The following PBX3 variants were observed in gnomAD, a reference collection of about 807,000 sequenced individuals.
The protein encoded by PBX3 is pre-B-cell leukemia transcription factor 3.
PBX3 carries 14 observed loss-of-function variants against 48.5 expected under a neutral mutation model. That is an observed-to-expected ratio of 0.29 (90% CI 0.19 to 0.45). The LOEUF (loss-of-function observed/expected upper bound fraction) is 0.45, where lower values mean the gene tolerates loss of function less well. Among genes scored for constraint, PBX3 ranks in the 20% least tolerant of loss-of-function variants. PBX3 has a pLI of 1.00. For missense variants in PBX3, 386 were observed against 546.7 expected, an observed-to-expected ratio of 0.71 and a Z score of 2.93; for synonymous variants, 210 against 200.3, an observed-to-expected ratio of 1.05 and a Z score of -0.41.
At chr9:125,767,823 A>G (rs542287856) in intron 2 of PBX3, among the ~76,000 whole-genome samples, 33 of 152,250 alleles carry the variant, frequency 2.2e-4, no homozygotes, top group African/African-American at 7.7e-4. Context: ...CACTCAGACC[A>G]CCAGTCGTTT....
At chr9:125,832,210 T>G (rs1838981235) in intron 2 of PBX3, among the ~76,000 whole-genome samples, 1 of 151,850 alleles carries the variant, frequency 6.6e-6, no homozygotes, top group African/African-American at 2.4e-5. Flanking sequence ...TTCTTTTTTT[T>G]TTTGAGACGG....
chr9:125,878,306 A>T (rs1313618256), intron 2 of PBX3, among the ~76,000 whole-genome samples: 1 of 152,180 alleles, frequency 6.6e-6, no homozygotes. Flanking sequence ...ATGGCAGCAG[A>T]TTGGTATTTC....
chr9:125,817,014 A>G (rs1048348380), intron 2 of PBX3, among the ~76,000 whole-genome samples: 1 of 152,092 alleles, frequency 6.6e-6, no homozygotes, highest in African/African-American at 2.4e-5. Context: ...GCTGATCTTC[A>G]CCTTGTTAAA....
intron 2 of PBX3, among the ~76,000 whole-genome samples, chr9:125,787,674 G>T (rs1197971491): frequency 2.0e-5 from 3 of 152,198 alleles, no homozygotes; most frequent in African/African-American, 7.2e-5. Flanking sequence ...ATTTTGCATA[G>T]ATGGGAAAGG....
intron 2 of PBX3, among the ~76,000 whole-genome samples, chr9:125,819,585 T>C (rs1203785181): frequency 2.6e-5 from 4 of 152,096 alleles, no homozygotes; most frequent in African/African-American, 9.7e-5. Flanking sequence ...TATATGGAAA[T>C]GGGAAACGTG....
intron 5 of PBX3, among the ~76,000 whole-genome samples, chr9:125,960,006 A>G (rs191718053): frequency 4.3e-4 from 66 of 152,344 alleles, no homozygotes; most frequent in Non-Finnish European, 4.4e-5. Flanking sequence ...GCACCGGCTG[A>G]CATCATAAGA....
intron 2 of PBX3, among the ~76,000 whole-genome samples, chr9:125,757,258 T>A (rs954547736): frequency 6.6e-6 from 1 of 152,056 alleles, no homozygotes; most frequent in Non-Finnish European, 1.5e-5. Flanking sequence ...TTTCTTTCTT[T>A]TCTCCTCCCA....
At chr9:125,932,612 T>C (rs1371286803) in intron 4 of PBX3, among the ~76,000 whole-genome samples, 2 of 152,224 alleles carry the variant, frequency 1.3e-5, no homozygotes, top group Non-Finnish European at 2.9e-5. Flanking sequence ...AAAAACATTT[T>C]AAAATTATTT....
intron 2 of PBX3, among the ~76,000 whole-genome samples, chr9:125,763,589 A>C (rs917211317): frequency 1.3e-5 from 2 of 152,204 alleles, no homozygotes; most frequent in East Asian, 3.8e-4. Flanking sequence ...CACACGATTC[A>C]CCCTGTCTCT....
chr9:125,949,402 A>G (rs969977000), intron 5 of PBX3: 3 of 1,550,894 alleles, frequency 1.9e-6, no homozygotes, highest in Non-Finnish European at 2.6e-6. Context: ...TCCAAAAGAA[A>G]GAGGGAGCAA....
chr9:125,936,925 AAAG>A (rs1195404247), intron 5 of PBX3, among the ~76,000 whole-genome samples: 1 of 152,218 alleles, frequency 6.6e-6, no homozygotes, highest in African/African-American at 2.4e-5. Context: ...GACAAAATTA[AAAG>A]AAGAATCGTT....
At chr9:125,756,763 G>GT (rs1554851887) in intron 2 of PBX3, among the ~76,000 whole-genome samples, 1 of 152,184 alleles carries the variant, frequency 6.6e-6, no homozygotes, top group Non-Finnish European at 1.5e-5. Flanking sequence ...AGGAGGATGA[G>GT]TTTCTCCTGA....
chr9:125,774,658 TG>T (rs1285082114), intron 2 of PBX3, among the ~76,000 whole-genome samples: 4 of 75,114 alleles, frequency 5.3e-5, no homozygotes, highest in East Asian at 4.6e-4. Context: ...AATGGGCAGT[TG>T]GGTTTTTTTT....
intron 2 of PBX3, among the ~76,000 whole-genome samples, chr9:125,772,063 ATT>A (rs1352470201): frequency 8.5e-5 from 13 of 152,190 alleles, no homozygotes; most frequent in Admixed American, 8.5e-4. Flanking sequence ...CTCTTAGTAC[ATT>A]TGAAGCATGT....
intron 2 of PBX3, among the ~76,000 whole-genome samples, chr9:125,823,508 G>T (rs56318784): frequency 0.039 from 5,931 of 151,936 alleles, 404 homozygotes; most frequent in African/African-American, 0.13. Context: ...ATGTTAATAT[G>T]GTCCTTTTTA....
intron 2 of PBX3, among the ~76,000 whole-genome samples, chr9:125,833,700 T>A (rs528100479): frequency 1.3e-5 from 2 of 152,312 alleles, no homozygotes; most frequent in South Asian, 4.1e-4. Context: ...TTCTAGGAAC[T>A]TTTTGTAATA....
At chr9:125,879,786 A>G (rs1840339207) in intron 2 of PBX3, among the ~76,000 whole-genome samples, 1 of 152,134 alleles carries the variant, frequency 6.6e-6, no homozygotes, top group Admixed American at 6.5e-5. Context: ...TTTATTTTTA[A>G]TACCTTTTAT....
At chr9:125,874,009 A>G (rs1840188818) in intron 2 of PBX3, among the ~76,000 whole-genome samples, 1 of 152,140 alleles carries the variant, frequency 6.6e-6, no homozygotes, top group African/African-American at 2.4e-5. Context: ...AATAAATACC[A>G]CTGGATCTGA....
intron 2 of PBX3, among the ~76,000 whole-genome samples, chr9:125,874,546 T>G (rs10986997): frequency 0.06 from 9,079 of 152,206 alleles, 630 homozygotes; most frequent in East Asian, 0.17. Context: ...GATAGAAGAC[T>G]TGAACAATAC....
Sources: allele counts gnomAD v4.1 joint callset (sites outside exome capture counted in the v4.1 genomes callset), GRCh38; gene constraint gnomAD v4.1.1; transcripts MANE v1.5; gene names NCBI Gene and HGNC (gene_info 2026-07-23, HGNC 2026-07-21).